GNAL: variants seen among roughly 807,000 people sequenced by gnomAD.
The protein encoded by GNAL is G protein subunit alpha L.
GNAL carries 18 observed loss-of-function variants against 55.1 expected under a neutral mutation model. The observed-to-expected ratio is 0.33, with a 90% CI of 0.23 to 0.48. The LOEUF (loss-of-function observed/expected upper bound fraction) is 0.48, where lower values mean the gene tolerates loss of function less well. Among genes scored for constraint, GNAL ranks in the 20% least tolerant of loss-of-function variants. The pLI, the probability that GNAL is intolerant of heterozygous loss-of-function variation, is 0.99. For synonymous variants in GNAL, 253 were observed against 237.0 expected (o/e 1.07, Z -0.62); for missense variants, 412 against 614.1 (o/e 0.67, Z 3.48).
chr18:11,757,098 CTG>C lies in GNAL; in HGVS notation c.624+3154_624+3155del, dbSNP rs149469746. 9.3e-3 allele frequency among the ~76,000 whole-genome samples: 1,410 copies of C among 152,186 alleles called. 9 individuals are homozygous for C. The highest frequency in any genetic ancestry group is 0.017 in the Middle Eastern group (5 of 294). ...GAAACAAACATCTTGAGAATTTTCT[CTG>C]AGAATATTGCACATGGGGGAAATAC... On this transcript the variant is annotated intron_variant, in intron 4 of 11. Transcript: ENST00000334049.
In GNAL at chr18:11,799,263, G is replaced by A. The variant is rs1167235842; in HGVS notation, c.625-25655G>A. ...CCTCTGAGGCTGCTTTTGAAAGAAA[G>A]TATCATGTCTCCAGCCCAGAAGCAC... On this transcript the variant is annotated intron_variant, in intron 4 of 11. Transcript: ENST00000334049. Among the ~76,000 whole-genome samples the A allele has an allele frequency of 2.6e-5, 4 of 152,254 alleles. No individual in the cohort carries two copies. In the East Asian group the frequency reaches 7.7e-4, roughly 29 times the overall value.
chr18:11,700,465 C>T (rs2031539959), intron 1 of GNAL, among the ~76,000 whole-genome samples: 1 of 152,236 alleles, frequency 6.6e-6, no homozygotes, highest in Non-Finnish European at 1.5e-5. Context: ...CCTAGCTCTG[C>T]CTCATCAGGA....
intron 4 of GNAL, among the ~76,000 whole-genome samples, chr18:11,806,747 TAACTTTTATC>T (rs2034672727): frequency 6.6e-6 from 1 of 150,570 alleles, no homozygotes; most frequent in African/African-American, 2.5e-5. Context: ...TTTTTTTTTT[TAACTTTTATC>T]TTAAGTTCAG....
At chr18:11,770,457 T>C (rs1328823505) in intron 4 of GNAL, among the ~76,000 whole-genome samples, 6 of 152,216 alleles carry the variant, frequency 3.9e-5, no homozygotes, top group South Asian at 2.1e-4. Context: ...GTGAGAATCA[T>C]ATGAGTTTGA....
At chr18:11,721,630 C>T (rs1301374902) in intron 1 of GNAL, among the ~76,000 whole-genome samples, 2 of 152,070 alleles carry the variant, frequency 1.3e-5, no homozygotes, top group Non-Finnish European at 1.5e-5. Flanking sequence ...GTGGCAGGTA[C>T]TTGTAATCCC....
chr18:11,733,628 AG>A (rs2032392530), intron 1 of GNAL, among the ~76,000 whole-genome samples: 2 of 152,208 alleles, frequency 1.3e-5, no homozygotes, highest in South Asian at 4.1e-4. Flanking sequence ...TGTCTTCTTG[AG>A]GGTAATTCTC....
intron 5 of GNAL, among the ~76,000 whole-genome samples, chr18:11,848,708 C>A (rs765358656): frequency 6.6e-6 from 1 of 152,090 alleles, no homozygotes; most frequent in African/African-American, 2.4e-5. Flanking sequence ...CCACCCACCT[C>A]AGCCCCCCAA....
chr18:11,833,251 C>T (rs1468071867), intron 5 of GNAL, among the ~76,000 whole-genome samples: 1 of 151,996 alleles, frequency 6.6e-6, no homozygotes, highest in Non-Finnish European at 1.5e-5. Flanking sequence ...AGGCTGGTCT[C>T]GAACTCCTGA....
At chr18:11,724,733 G>A (rs527551939) in intron 1 of GNAL, among the ~76,000 whole-genome samples, 3 of 152,296 alleles carry the variant, frequency 2.0e-5, no homozygotes, top group Admixed American at 6.5e-5. Flanking sequence ...TGCTGTGCAC[G>A]CCTGATGTTA....
chr18:11,708,432 T>C (rs2031764156), intron 1 of GNAL, among the ~76,000 whole-genome samples: 1 of 152,190 alleles, frequency 6.6e-6, no homozygotes, highest in South Asian at 2.1e-4. Context: ...GTGCTATACG[T>C]GACACCTCAA....
chr18:11,827,840 C>A (rs11664468), intron 5 of GNAL, among the ~76,000 whole-genome samples: 2 of 151,186 alleles, frequency 1.3e-5, no homozygotes. Context: ...GCGTGGTGGC[C>A]GGCACCTGTA....
At chr18:11,742,190 T>C (rs1198114384) in intron 1 of GNAL, among the ~76,000 whole-genome samples, 1 of 152,222 alleles carries the variant, frequency 6.6e-6, no homozygotes, top group East Asian at 1.9e-4. Context: ...CTCAGCTGAG[T>C]GTCACAGGCC....
chr18:11,809,449 T>C (rs1434666120), intron 4 of GNAL, among the ~76,000 whole-genome samples: 1 of 152,168 alleles, frequency 6.6e-6, no homozygotes, highest in Admixed American at 6.5e-5. Flanking sequence ...TTGTATGGTA[T>C]ATAAATTATA....
intron 9 of GNAL, among the ~76,000 whole-genome samples, chr18:11,871,541 A>C (rs1375337356): frequency 6.6e-6 from 1 of 152,012 alleles, no homozygotes; most frequent in African/African-American, 2.4e-5. Flanking sequence ...GAGCCACCAC[A>C]CGTGGCCAAA....
intron 4 of GNAL, among the ~76,000 whole-genome samples, chr18:11,796,751 T>C (rs1326412793): frequency 6.6e-6 from 1 of 152,172 alleles, no homozygotes; most frequent in Non-Finnish European, 1.5e-5. Flanking sequence ...TTTAAACTTA[T>C]TAGAAACATT....
Position 11,788,914 on chromosome 18 carries a change from A to AAAAAATAT in GNAL, c.624+34970_624+34971insAAAATATA, listed in dbSNP as rs60071996. Among the ~76,000 whole-genome samples, 159 of 56,280 alleles carry AAAAAATAT rather than the reference A, an allele frequency of 2.8e-3. 3 individuals are homozygous for AAAAAATAT. The highest frequency in any genetic ancestry group is 0.013 in the African/African-American group (127 of 10,008). 36.9% of individuals were successfully genotyped at this position (56,280 alleles called of 152,430 possible). On this transcript the variant is annotated intron_variant, in intron 4 of 11. Transcript: ENST00000334049. ...TCCGTCTCGAAAAAAAAAAAAAAAA[A>AAAAAATAT]ATATATATATATATATATATATACA...
chr18:11,866,476 C>T (rs2855645), intron 7 of GNAL, among the ~76,000 whole-genome samples: 20,732 of 150,302 alleles, frequency 0.14, 1,984 homozygotes, highest in Non-Finnish European at 0.2. Context: ...GGAGAAACGC[C>T]TTATGCGCTG....
chr18:11,750,424 T>C (rs2032789814), intron 1 of GNAL, among the ~76,000 whole-genome samples: 1 of 151,490 alleles, frequency 6.6e-6, no homozygotes, highest in East Asian at 2.0e-4. Context: ...GGGCAGAGTA[T>C]GGAGGATGCA....
At chr18:11,785,963 C>T (rs1273532572) in intron 4 of GNAL, among the ~76,000 whole-genome samples, 1 of 152,136 alleles carries the variant, frequency 6.6e-6, no homozygotes, top group Non-Finnish European at 1.5e-5. Context: ...ATGACTGTTC[C>T]CTGTTCTAAA....
Sources: allele counts gnomAD v4.1 joint callset (sites outside exome capture counted in the v4.1 genomes callset), GRCh38; gene constraint gnomAD v4.1.1; transcripts MANE v1.5; gene names NCBI Gene and HGNC (gene_info 2026-07-23, HGNC 2026-07-21).